The following ZSWIM6 variants were observed in gnomAD, a reference collection of about 807,000 sequenced individuals.
The protein encoded by ZSWIM6 is zinc finger SWIM domain-containing protein 6.
ZSWIM6 carries 9 observed loss-of-function variants against 113.2 expected under a neutral mutation model. The observed-to-expected ratio is 0.08, with a 90% CI of 0.05 to 0.14. The LOEUF (loss-of-function observed/expected upper bound fraction) is 0.14, where lower values mean the gene tolerates loss of function less well. ZSWIM6 is among the 10% of genes least tolerant of loss of function. ZSWIM6 has a pLI of 1.00. For missense variants in ZSWIM6, 1,162 were observed against 1,552.2 expected (o/e 0.75, Z 4.22); for synonymous variants, 611 against 606.5 (o/e 1.01, Z -0.11).
intron 1 of ZSWIM6, among the ~76,000 whole-genome samples, chr5:61,349,567 A>G (rs1744739558): frequency 6.6e-6 from 1 of 151,828 alleles, no homozygotes; most frequent in Non-Finnish European, 1.5e-5. Flanking sequence ...TGTCATCAAT[A>G]TATTTCTCCA....
chr5:61,538,193 A>C (rs1561284447), intron 10 of ZSWIM6, among the ~76,000 whole-genome samples: 1 of 152,258 alleles, frequency 6.6e-6, no homozygotes, highest in African/African-American at 2.4e-5. Flanking sequence ...ACAGACACTT[A>C]GGTCACATTT....
At chr5:61,388,908 G>T (rs371311649) in intron 1 of ZSWIM6, among the ~76,000 whole-genome samples, 22 of 152,216 alleles carry the variant, frequency 1.4e-4, no homozygotes, top group South Asian at 2.1e-4. Context: ...CTTAGTTCAT[G>T]AGTCATCAGA....
chr5:61,355,748 A>G (rs996771228), intron 1 of ZSWIM6, among the ~76,000 whole-genome samples: 4 of 152,222 alleles, frequency 2.6e-5, no homozygotes, highest in Non-Finnish European at 5.9e-5. Context: ...CTGAAAGTGT[A>G]ACACATGCAC....
chr5:61,480,154 T>C (rs988703953), intron 2 of ZSWIM6, among the ~76,000 whole-genome samples: 1 of 152,238 alleles, frequency 6.6e-6, no homozygotes, highest in African/African-American at 2.4e-5. Context: ...CATTTTTTAA[T>C]GAGCATTGGA....
intron 1 of ZSWIM6, among the ~76,000 whole-genome samples, chr5:61,392,768 AC>A (rs1745750457): frequency 6.6e-6 from 1 of 151,086 alleles, no homozygotes; most frequent in African/African-American, 2.4e-5. Flanking sequence ...ATCCGTCACC[AC>A]CCCCTGCTAA....
rs17424296 is a variant in ZSWIM6 at position 61,543,076 on chromosome 5, G to T, written c.2786-379G>T. Among the ~76,000 whole-genome samples, 1 of 151,948 alleles carries T rather than the reference G, an allele frequency of 6.6e-6. No homozygotes were observed. The highest frequency in any genetic ancestry group is 1.5e-5 in the Non-Finnish European group (1 of 67,994). On this transcript the variant is annotated intron_variant, in intron 13 of 13. Transcript: ENST00000252744. This position sits in a 1 kb window ranked among gnomAD's most constrained non-coding sequence, Gnocchi z 4.3. ...TTTTACCTTACACACAAGCACATAA[G>T]CCATGTAAAGTCCCTGTTTTGGTGA...
chr5:61,341,002 A>C (rs980089774), intron 1 of ZSWIM6, among the ~76,000 whole-genome samples: 1 of 152,280 alleles, frequency 6.6e-6, no homozygotes, highest in Admixed American at 6.5e-5. Flanking sequence ...GTGATTATAC[A>C]GCAAGTCCTT....
rs1749551000 is a variant in ZSWIM6, at chr5:61,535,510, A to G, written c.2272A>G (p.Ile758Val). The change falls in exon 10 of 14, where the codon ATA becomes GTA. Residue 758 changes from isoleucine to valine, a missense_variant. This residue lies in a region of ZSWIM6 where 620 missense variants were observed against 804.6 expected (regional missense o/e 0.77). Coordinates refer to ENST00000252744, the MANE Select transcript of ZSWIM6 (RefSeq NM_020928.2). ...CGGACCATATAGTGGTTTAGGTGAA[A>G]TAATCCATCGGGAGAGCGTTCCAAT... ...EAGPYSGLGE[I>V]IHRESVPMHT... The G allele has an allele frequency of 1.3e-6, 2 of 1,551,386 alleles. No homozygotes were observed. Among genetic ancestry groups the G allele is most frequent in the East Asian group, 4.9e-5 (2 of 40,912 alleles).
At chr5:61,457,434 C>A (rs1194936415) in intron 1 of ZSWIM6, among the ~76,000 whole-genome samples, 1 of 152,018 alleles carries the variant, frequency 6.6e-6, no homozygotes, top group Non-Finnish European at 1.5e-5. Flanking sequence ...GACTGTATAT[C>A]CAATATATTT....
At chr5:61,351,618 A>G (rs867723529) in intron 1 of ZSWIM6, among the ~76,000 whole-genome samples, 1 of 152,182 alleles carries the variant, frequency 6.6e-6, no homozygotes, top group Admixed American at 6.5e-5. Context: ...GGTTTTTTCA[A>G]TTGTATTTTT....
chr5:61,515,007 T>C (rs923438537), intron 4 of ZSWIM6, among the ~76,000 whole-genome samples: 12 of 152,180 alleles, frequency 7.9e-5, no homozygotes, highest in African/African-American at 2.7e-4. Flanking sequence ...TTGTTAGAGA[T>C]TTTTAACTGC....
At chr5:61,471,805 A>G (rs994058324) in intron 1 of ZSWIM6, among the ~76,000 whole-genome samples, 12 of 152,204 alleles carry the variant, frequency 7.9e-5, no homozygotes, top group African/African-American at 2.9e-4. Flanking sequence ...GTCTTCCACA[A>G]AACTGGTCCC....
intron 1 of ZSWIM6, among the ~76,000 whole-genome samples, chr5:61,418,323 A>G (rs1488490904): frequency 1.3e-5 from 2 of 152,062 alleles, no homozygotes; most frequent in Non-Finnish European, 1.5e-5. Context: ...GCTGGAGTGC[A>G]ATGTTGTGAT....
intron 11 of ZSWIM6, 127 bp from the exon 12 acceptor site, chr5:61,539,469 G>A (rs1749672139): frequency 8.7e-7 from 1 of 1,142,928 alleles, no homozygotes; most frequent in Non-Finnish European, 1.2e-6. Context: ...ATTAACTTGT[G>A]CTTTATGTTT....
intron 1 of ZSWIM6, among the ~76,000 whole-genome samples, chr5:61,363,133 C>T (rs1177863645): frequency 6.6e-6 from 1 of 151,856 alleles, no homozygotes; most frequent in African/African-American, 2.4e-5. Context: ...GAGACTGTGC[C>T]CTCCTTTCCC....
At chr5:61,384,990 G>T (rs531053227) in intron 1 of ZSWIM6, among the ~76,000 whole-genome samples, 1 of 152,294 alleles carries the variant, frequency 6.6e-6, no homozygotes, top group African/African-American at 2.4e-5. Flanking sequence ...AACCCGGGAG[G>T]CGGAGGTTGC....
At chr5:61,385,313 A>G (rs550821254) in intron 1 of ZSWIM6, among the ~76,000 whole-genome samples, 1 of 152,216 alleles carries the variant, frequency 6.6e-6, no homozygotes, top group Non-Finnish European at 1.5e-5. Context: ...CCAAGCCAGC[A>G]TGTATTCCTG....
chr5:61,505,216 G>C (rs930962567), intron 4 of ZSWIM6, among the ~76,000 whole-genome samples: 1 of 152,224 alleles, frequency 6.6e-6, no homozygotes, highest in South Asian at 2.1e-4. Context: ...CATGGAAAAT[G>C]TTCTTGCAGC....
At chr5:61,335,477 G>T (rs995421018) in intron 1 of ZSWIM6, among the ~76,000 whole-genome samples, 1 of 152,216 alleles carries the variant, frequency 6.6e-6, no homozygotes, top group Non-Finnish European at 1.5e-5. Context: ...AGAGAGGGTG[G>T]CTAGATTAAC....
Sources: allele counts gnomAD v4.1 joint callset (sites outside exome capture counted in the v4.1 genomes callset), GRCh38; gene constraint gnomAD v4.1.1; regional missense constraint gnomAD v4.1.1; non-coding constraint Gnocchi (gnomAD v3.1); transcripts MANE v1.5; gene names NCBI Gene and HGNC (gene_info 2026-07-23, HGNC 2026-07-21).